RAD9B: variants seen among roughly 807,000 people sequenced by gnomAD.
RAD9B encodes the protein RAD9 checkpoint clamp component B, also known as cell cycle checkpoint control protein RAD9B.
Under a neutral mutation model 48.3 loss-of-function variants are expected in RAD9B, and 41 were observed. That is an observed-to-expected ratio of 0.85 (90% CI 0.66 to 1.10). RAD9B has a LOEUF of 1.10. Ranked by LOEUF, RAD9B falls within the 50% of genes least tolerant of loss-of-function variation. RAD9B has a pLI of 0.00. For missense variants in RAD9B, 444 were observed against 485.1 expected (o/e 0.92, Z 0.80); for synonymous variants, 160 against 157.9 (o/e 1.01, Z -0.10).
At chr12:110,506,769 C>T (rs2063286214) in intron 4 of RAD9B, 76 bp downstream of exon 4, 2 of 742,614 alleles carry the variant, frequency 2.7e-6, no homozygotes, top group Admixed American at 2.2e-5. Context: ...ATTGATATTT[C>T]ATGTCAAGAT....
At chr12:110,518,075 C>T (rs1383920815) in intron 6 of RAD9B, among the ~76,000 whole-genome samples, 1 of 151,968 alleles carries the variant, frequency 6.6e-6, no homozygotes, top group Non-Finnish European at 1.5e-5. Flanking sequence ...CCTGTAGTCC[C>T]AGCAACTCGG....
rs568332455 is a variant in RAD9B, at chr12:110,529,094, C to G, written c.1126-1431C>G. Among the ~76,000 whole-genome samples, 50 of 151,636 alleles carry G rather than the reference C, an allele frequency of 3.3e-4. 1 individual carries two copies. The highest frequency in any genetic ancestry group is 2.5e-3 in the South Asian group (12 of 4,796). ...ATGGAGACAGTGGGTGTAGACAGCT[C>G]TACAATTAGAGATAAAGCAGTAACT... is the stretch of plus-strand genomic sequence containing the variant. On this transcript the variant is annotated intron_variant, in intron 10 of 10. Transcript: ENST00000409300.
chr12:110,505,882 T>A (rs1593034196), intron 3 of RAD9B, 110 bp downstream of exon 3: 1 of 808,730 alleles, frequency 1.2e-6, no homozygotes, highest in East Asian at 3.0e-5. Flanking sequence ...GACAAATCTG[T>A]TCATTATTAT....
At chr12:110,525,143 G>A (rs1456152253) in intron 10 of RAD9B, among the ~76,000 whole-genome samples, 3 of 151,730 alleles carry the variant, frequency 2.0e-5, no homozygotes, top group Admixed American at 1.3e-4. Context: ...CTACCACCAC[G>A]CCCAGCTAAT....
At chr12:110,529,160 G>A (rs763336422) in intron 10 of RAD9B, among the ~76,000 whole-genome samples, 11 of 152,016 alleles carry the variant, frequency 7.2e-5, no homozygotes, top group Non-Finnish European at 1.0e-4. Flanking sequence ...TTGTTTGTTT[G>A]TTTAGAGATG....
intron 6 of RAD9B, among the ~76,000 whole-genome samples, chr12:110,517,631 AAAT>A (rs1182628328): frequency 6.6e-6 from 1 of 151,922 alleles, no homozygotes; most frequent in African/African-American, 2.4e-5. Context: ...CTCAAAAAAA[AAAT>A]AATAAAAACA....
In RAD9B at chr12:110,530,806, C is replaced by T; in HGVS notation, c.*153C>T. The T allele has an allele frequency of 7.0e-7, 1 of 1,425,558 alleles. No individual in the cohort carries two copies. The highest frequency in any genetic ancestry group is 9.2e-7 in the Non-Finnish European group (1 of 1,091,306). 88.3% of individuals were successfully genotyped at this position (1,425,558 alleles called of 1,614,324 possible). ...AAACCACATCATCTTGTACAACAACCATATCTAGAAATAGCTGTTTGTCAA... is the reference window on the plus strand; with the variant it reads ...AAACCACATCATCTTGTACAACAACTATATCTAGAAATAGCTGTTTGTCAA... On this transcript the variant is annotated 3_prime_UTR_variant, in exon 11 of 11. Transcript: ENST00000409300.
chr12:110,513,091 G>C (rs1006279241), intron 5 of RAD9B, among the ~76,000 whole-genome samples: 1 of 151,482 alleles, frequency 6.6e-6, no homozygotes, highest in African/African-American at 2.4e-5. Flanking sequence ...TCAGCCTCCC[G>C]AGTAGCTGGG....
At chr12:110,517,236 G>GATC (rs1374327204) in intron 6 of RAD9B, among the ~76,000 whole-genome samples, 1 of 152,118 alleles carries the variant, frequency 6.6e-6, no homozygotes, top group African/African-American at 2.4e-5. Flanking sequence ...GCTGAGGCAA[G>GATC]GGGATCACTT....
At chr12:110,516,170 T>C (rs925347916) in intron 6 of RAD9B, among the ~76,000 whole-genome samples, 2 of 151,754 alleles carry the variant, frequency 1.3e-5, no homozygotes, top group Admixed American at 1.3e-4. Flanking sequence ...GAGACTGCAG[T>C]GAGCCATGAT....
At chr12:110,512,656 T>A in intron 4 of RAD9B, 123 bp from the exon 5 acceptor site, 1 of 580,792 alleles carries the variant, frequency 1.7e-6, no homozygotes, top group Non-Finnish European at 3.0e-6. Flanking sequence ...CTCCAAGGTA[T>A]ATGCACTTGC....
At position 110,531,402 on chromosome 12, in the gene RAD9B, G is replaced by A; in HGVS notation, c.*749G>A. ...AGACAGGGTTTCGCCATGTTGGCCA[G>A]GGTGGTCTTGAACTCCTGGCCTCAA... is the stretch of plus-strand genomic sequence containing the variant. On this transcript the variant is annotated 3_prime_UTR_variant, in exon 11 of 11. Coordinates refer to ENST00000409300, the MANE Select transcript of RAD9B (RefSeq NM_001286535.2). The A allele has an allele frequency of 3.8e-6, 2 of 525,400 alleles. No homozygotes were observed. Among genetic ancestry groups the A allele is most frequent in the Non-Finnish European group, 3.3e-6 (1 of 305,250 alleles). The allele number at this position is 525,400 out of a possible 1,614,324, so 32.5% of individuals were successfully genotyped here.
chr12:110,502,421 G>A, intron 1 of RAD9B, 38 bp downstream of exon 1: 1 of 1,610,092 alleles, frequency 6.2e-7, no homozygotes, highest in South Asian at 1.1e-5. Flanking sequence ...TTAGCAGAGA[G>A]AAAAGCAGAC....
chr12:110,520,628 C>CTTTTTTTTTTTTTTTTTTTT (rs71083129), intron 9 of RAD9B, among the ~76,000 whole-genome samples: 1,176 of 99,592 alleles, frequency 0.012, no homozygotes, highest in East Asian at 0.014. Flanking sequence ...TTCTTGCTTT[C>CTTTTTTTTTTTTTTTTTTTT]TTTTTTTTTT....
intron 2 of RAD9B, 111 bp from the exon 3 acceptor site, chr12:110,505,506 C>T: frequency 1.1e-6 from 1 of 885,286 alleles, no homozygotes. Context: ...GTCTCAGACT[C>T]CTGGCTTCCA....
intron 9 of RAD9B, among the ~76,000 whole-genome samples, chr12:110,520,470 C>T (rs1289580405): frequency 6.6e-6 from 1 of 151,824 alleles, no homozygotes; most frequent in Non-Finnish European, 1.5e-5. Flanking sequence ...CCTCAGCCTC[C>T]CAAAGTGCTG....
At chr12:110,503,499 C>G (rs1010681838) in intron 1 of RAD9B, 2 of 266,160 alleles carry the variant, frequency 7.5e-6, no homozygotes, top group African/African-American at 2.3e-5. Context: ...TTATCTAAAT[C>G]AAGTTGTAAA....
intron 4 of RAD9B, among the ~76,000 whole-genome samples, chr12:110,507,386 TATATAATATATAATATATGTATTAA>T (rs1249253960): frequency 2.8e-5 from 4 of 142,932 alleles, no homozygotes; most frequent in African/African-American, 1.0e-4. Context: ...ATATGTATTA[TATATAATATATAATATATGTATTAA>T]ATATAATATA....
intron 4 of RAD9B, 112 bp from the exon 5 acceptor site, chr12:110,512,667 C>T: frequency 3.4e-6 from 2 of 591,938 alleles, no homozygotes; most frequent in Non-Finnish European, 6.0e-6. Context: ...ATGCACTTGC[C>T]AGATAGTAAA....
Sources: allele counts gnomAD v4.1 joint callset (sites outside exome capture counted in the v4.1 genomes callset), GRCh38; gene constraint gnomAD v4.1.1; transcripts MANE v1.5; gene names NCBI Gene and HGNC (gene_info 2026-07-23, HGNC 2026-07-21).